Variants in LCK observed in about 807,000 individuals in gnomAD.
LCK encodes the protein tyrosine-protein kinase Lck.
In LCK, 14 loss-of-function variants were observed where a neutral mutation model predicts 64.6. That is an observed-to-expected ratio of 0.22 (90% CI 0.14 to 0.34). LCK has a LOEUF of 0.34. Among genes scored for constraint, LCK ranks in the 10% least tolerant of loss-of-function variants. The pLI is 1.00. For missense variants in LCK, 434 were observed against 668.1 expected (o/e 0.65, Z 3.86); for synonymous variants, 277 against 263.6 (o/e 1.05, Z -0.49).
chr1:32,275,093 T>A lies in LCK; in HGVS notation c.278+10T>A. 1 of 1,603,410 alleles carries A rather than the reference T, an allele frequency of 6.2e-7. No individual in the cohort carries two copies. Among genetic ancestry groups the A allele is most frequent in the Non-Finnish European group, 8.5e-7 (1 of 1,172,058 alleles). On this transcript the variant is annotated intron_variant, in intron 4 of 12. Coordinates refer to ENST00000336890, the MANE Select transcript of LCK (RefSeq NM_005356.5). This position sits in a 1 kb window ranked among gnomAD's most constrained non-coding sequence, Gnocchi z 6.9. ...TCCGCATCCTGGAGCAGTGAGTCCC[T>A]CTCCACCTTGCTCTGGCGGAGTCCG...
intron 1 of LCK, among the ~76,000 whole-genome samples, chr1:32,252,508 C>G (rs1014936744): frequency 2.6e-5 from 4 of 152,216 alleles, no homozygotes; most frequent in Middle Eastern, 3.2e-3. Flanking sequence ...TGGTCCCAGC[C>G]TTTCTCCTGT....
At chr1:32,267,277 A>C (rs1639949298) in intron 1 of LCK, among the ~76,000 whole-genome samples, 1 of 152,116 alleles carries the variant, frequency 6.6e-6, no homozygotes, top group African/African-American at 2.4e-5. Flanking sequence ...GAAAGAGTGA[A>C]TACGTACCCT....
intron 1 of LCK, among the ~76,000 whole-genome samples, chr1:32,261,822 G>T (rs889809218): frequency 1.3e-5 from 2 of 149,324 alleles, no homozygotes; most frequent in African/African-American, 2.5e-5. Flanking sequence ...CATACTAGGC[G>T]CATGCCTCCA....
chr1:32,279,804 T>C (rs1301441965), intron 10 of LCK, 37 bp from the exon 11 acceptor site: 7 of 1,612,668 alleles, frequency 4.3e-6, no homozygotes, highest in Non-Finnish European at 5.1e-6. Context: ...CGTGAAGACA[T>C]CTGGCTCAGG....
At position 32,275,198 on chromosome 1, in the gene LCK, T is replaced by A. The variant is rs991069317; in HGVS notation, c.278+115T>A. 3 of 1,456,082 alleles carry A rather than the reference T, an allele frequency of 2.1e-6. No individual in the cohort carries two copies. Among genetic ancestry groups the A allele is most frequent in the Admixed American group, 1.8e-5 (1 of 56,684 alleles). 90.2% of individuals were successfully genotyped at this position (1,456,082 alleles called of 1,614,324 possible). The stretch of plus-strand genomic sequence containing the variant: ...CGGGGTGGCCGCCCTTGGGACAAAA[T>A]TCGAGGCTCAGTATTGCTGAGCCAG... On this transcript the variant is annotated intron_variant, in intron 4 of 12. Coordinates refer to ENST00000336890, the MANE Select transcript of LCK (RefSeq NM_005356.5). This position sits in a 1 kb window ranked among gnomAD's most constrained non-coding sequence, Gnocchi z 6.9.
intron 1 of LCK, 70 bp from the exon 2 acceptor site, chr1:32,274,255 C>T (rs1465519273): frequency 6.2e-7 from 1 of 1,611,628 alleles, no homozygotes; most frequent in East Asian, 2.2e-5. Flanking sequence ...AGGGCAAGGC[C>T]CCATTATATC....
Position 32,285,564 on chromosome 1 carries a change from G to T in LCK, c.1378G>T (p.Val460Leu). ...GAACCTGGAGCGAGGCTACCGCATG[G>T]TGCGCCCTGACAACTGTCCAGAGGA... ...IQNLERGYRM[V>L]RPDNCPEELY... Residue 460 changes from valine to leucine, a missense_variant, in exon 13 of 13, where the codon GTG (valine) becomes TTG (leucine). This residue lies in a region of LCK where 201 missense variants were observed against 376.9 expected (regional missense o/e 0.53). Coordinates refer to ENST00000336890, the MANE Select transcript of LCK (RefSeq NM_005356.5). 6.2e-7 allele frequency: 1 copy of T among 1,614,234 alleles called. No individual in the cohort carries two copies. The highest frequency in any genetic ancestry group is 8.5e-7 in the Non-Finnish European group (1 of 1,180,046).
At position 32,276,960 on chromosome 1, in the gene LCK, C is replaced by T. The variant is rs1640297156; in HGVS notation, c.964+174C>T. 3 of 576,288 alleles carry T rather than the reference C, an allele frequency of 5.2e-6. No individual in the cohort carries two copies. The highest frequency in any genetic ancestry group is 5.6e-5 in the South Asian group (2 of 35,462). 35.7% of individuals were successfully genotyped at this position (576,288 alleles called of 1,614,324 possible). On this transcript the variant is annotated intron_variant, in intron 9 of 12. Coordinates refer to ENST00000336890, the MANE Select transcript of LCK (RefSeq NM_005356.5). The surrounding 1 kb of genome is among the most constrained non-coding windows in gnomAD (Gnocchi z 4.6). Reference sequence around the variant, plus strand: ...GGGCGCGGTGGCTCAGGCCTGTAATCCCAGCACTTTGGGAGCCGAGGCGGG... The same window carrying T: ...GGGCGCGGTGGCTCAGGCCTGTAATTCCAGCACTTTGGGAGCCGAGGCGGG...
chr1:32,256,308 T>C lies in LCK; in HGVS notation c.-6+4937T>C, dbSNP rs145038817. ...ACATGCCACCAAGCCCGGCTAACTTTTGTATTTTTAGTAGAAATGGGGTTT... is the reference window on the plus strand; with the variant it reads ...ACATGCCACCAAGCCCGGCTAACTTCTGTATTTTTAGTAGAAATGGGGTTT... On this transcript the variant is annotated intron_variant, in intron 1 of 12. Transcript: ENST00000336890. Among the ~76,000 whole-genome samples the C allele has an allele frequency of 8.5e-3, 1,286 of 151,924 alleles. 10 individuals carry two copies. Among genetic ancestry groups the C allele is most frequent in the South Asian group, 0.033 (160 of 4,800 alleles).
intron 1 of LCK, among the ~76,000 whole-genome samples, chr1:32,261,941 A>G (rs978704111): frequency 2.3e-5 from 3 of 128,182 alleles, no homozygotes; most frequent in African/African-American, 9.1e-5. Context: ...CAACAGAACT[A>G]GACTCTGTCA....
chr1:32,280,411 C>T (rs115720793), intron 12 of LCK, among the ~76,000 whole-genome samples: 216 of 150,602 alleles, frequency 1.4e-3, no homozygotes, highest in African/African-American at 4.6e-3. Flanking sequence ...TTAATAACCC[C>T]AGCTCTTTTC....
rs1640390254 is a variant in LCK, at chr1:32,279,679, G to C, written c.973G>C (p.Val325Leu). Residue 325 changes from valine to leucine, a missense_variant, in exon 10 of 13, where the codon GTG (valine) becomes CTG (leucine). Val to Leu is a conservative substitution (Grantham distance 32). Coordinates refer to ENST00000336890, the MANE Select transcript of LCK (RefSeq NM_005356.5). ...CTTGCTTCTGCCCACAGGGAGTCTA[G>C]TGGATTTTCTCAAGACCCCTTCAGG... The part of the protein sequence containing the change: ...ITEYMENGSL[V>L]DFLKTPSGIK... 6.2e-7 allele frequency: 1 copy of C among 1,614,018 alleles called. No homozygotes were observed. Among genetic ancestry groups the C allele is most frequent in the Non-Finnish European group, 8.5e-7 (1 of 1,179,912 alleles).
chr1:32,274,798 C>T lies in LCK; in HGVS notation c.167C>T (p.Pro56Leu), dbSNP rs761633690. The T allele has an allele frequency of 1.9e-6, 3 of 1,613,620 alleles. No homozygotes were observed. Among genetic ancestry groups the T allele is most frequent in the Non-Finnish European group, 2.5e-6 (3 of 1,179,748 alleles). The change falls in exon 3 of 13, where the codon CCG (proline) becomes CTG (leucine). Residue 56 changes from proline to leucine, a missense_variant. By Grantham distance (98) the Pro-to-Leu change is moderately conservative (BLOSUM62 -3). Transcript: ENST00000336890. ...CTGGTTACCTACGAAGGCTCCAATCCGCCGGCTTCCCCACTGCAAGGTGAC... is the reference window on the plus strand; with the variant it reads ...CTGGTTACCTACGAAGGCTCCAATCTGCCGGCTTCCCCACTGCAAGGTGAC... ...DPLVTYEGSN[P>L]PASPLQDNLV...
At chr1:32,254,257 G>A (rs932635240) in intron 1 of LCK, among the ~76,000 whole-genome samples, 4 of 152,128 alleles carry the variant, frequency 2.6e-5, no homozygotes, top group South Asian at 2.1e-4. Context: ...AGTGGCTCAC[G>A]CCTGTAATCC....
intron 1 of LCK, among the ~76,000 whole-genome samples, chr1:32,266,451 G>A (rs1296056206): frequency 1.4e-5 from 2 of 145,556 alleles, no homozygotes; most frequent in Middle Eastern, 3.6e-3. Context: ...TGAATGAGTC[G>A]TGATCACGCC....
At chr1:32,254,828 A>T (rs1639591276) in intron 1 of LCK, among the ~76,000 whole-genome samples, 1 of 152,036 alleles carries the variant, frequency 6.6e-6, no homozygotes, top group Non-Finnish European at 1.5e-5. Context: ...GTTTCTAATT[A>T]CAAAATTAGC....
chr1:32,277,938 G>T (rs191431516), intron 9 of LCK, among the ~76,000 whole-genome samples: 158 of 152,290 alleles, frequency 1.0e-3, no homozygotes, highest in African/African-American at 3.6e-3. Context: ...CACTTTGGGA[G>T]GCCAAGGTGG....
In LCK at chr1:32,275,160, C is replaced by A; in HGVS notation, c.278+77C>A. 6.7e-7 allele frequency: 1 copy of A among 1,489,656 alleles called. No homozygotes were observed. 92.3% of individuals were successfully genotyped at this position (1,489,656 alleles called of 1,614,324 possible). A position where few individuals can be genotyped will look rare whatever the true frequency, so the allele number is the denominator to read the frequency against. ...TCCGCGACCCGCAGCCCTCCTGCGG[C>A]CCTTGACCAGCTCGGGGTGGCCGCC... On this transcript the variant is annotated intron_variant, in intron 4 of 12. Coordinates refer to ENST00000336890, the MANE Select transcript of LCK (RefSeq NM_005356.5). The surrounding 1 kb of genome is among the most constrained non-coding windows in gnomAD (Gnocchi z 6.9).
intron 1 of LCK, among the ~76,000 whole-genome samples, chr1:32,260,927 C>A (rs910739158): frequency 6.6e-6 from 1 of 152,142 alleles, no homozygotes; most frequent in Non-Finnish European, 1.5e-5. Flanking sequence ...CGACCACCTG[C>A]CTGTTCTTGA....
Sources: allele counts gnomAD v4.1 joint callset (sites outside exome capture counted in the v4.1 genomes callset), GRCh38; gene constraint gnomAD v4.1.1; regional missense constraint gnomAD v4.1.1; non-coding constraint Gnocchi (gnomAD v3.1); transcripts MANE v1.5; gene names NCBI Gene and HGNC (gene_info 2026-07-23, HGNC 2026-07-21).